PDE10A: variants seen among roughly 807,000 people sequenced by gnomAD.
PDE10A encodes cAMP and cAMP-inhibited cGMP 3',5'-cyclic phosphodiesterase 10A.
A neutral mutation model predicts 97.7 loss-of-function variants in PDE10A; 39 were observed. The observed-to-expected ratio is 0.40, with a 90% CI of 0.31 to 0.52. PDE10A has a LOEUF of 0.52. Among genes scored for constraint, PDE10A ranks in the 20% least tolerant of loss-of-function variants. The probability of loss-of-function intolerance (pLI) is 0.56; values close to 1 mark genes in which losing one functional copy is unlikely to be tolerated. For synonymous variants in PDE10A, 371 were observed against 376.8 expected (o/e 0.98, Z 0.18); for missense variants, 731 against 1,047.8 (o/e 0.70, Z 4.17).
At chr6:165,794,424 ACT>A (rs1214319184) in intron 1 of PDE10A, among the ~76,000 whole-genome samples, 1 of 150,814 alleles carries the variant, frequency 6.6e-6, no homozygotes, top group Admixed American at 6.6e-5. Flanking sequence ...TCCTACACTC[ACT>A]CACACACTCA....
At chr6:165,953,134 G>C (rs559329653) in intron 1 of PDE10A, among the ~76,000 whole-genome samples, 1 of 152,200 alleles carries the variant, frequency 6.6e-6, no homozygotes, top group African/African-American at 2.4e-5. Flanking sequence ...TATGACTTGG[G>C]CCCTCAGTGC....
chr6:165,714,513 C>G (rs528215403), intron 1 of PDE10A, among the ~76,000 whole-genome samples: 2 of 152,296 alleles, frequency 1.3e-5, no homozygotes, highest in South Asian at 4.1e-4. Flanking sequence ...AAAATAAATT[C>G]AAGGCTGGTA....
intron 1 of PDE10A, among the ~76,000 whole-genome samples, chr6:165,789,038 C>T (rs990271694): frequency 3.9e-5 from 6 of 151,902 alleles, no homozygotes; most frequent in Middle Eastern, 3.4e-3. Context: ...GGAAGGAGGC[C>T]GAGGGAGGGG....
At chr6:165,450,482 C>T (rs1051742459) in intron 3 of PDE10A, 120 bp from the exon 4 acceptor site, 3 of 420,252 alleles carry the variant, frequency 7.1e-6, no homozygotes, top group African/African-American at 6.1e-5. Flanking sequence ...ATTCATTATG[C>T]TTTTATAGCA....
At chr6:165,952,355 T>C (rs1315042208) in intron 1 of PDE10A, among the ~76,000 whole-genome samples, 1 of 152,254 alleles carries the variant, frequency 6.6e-6, no homozygotes, top group Non-Finnish European at 1.5e-5. Flanking sequence ...TTACGTATTA[T>C]CTTGGTTAGC....
intron 1 of PDE10A, among the ~76,000 whole-genome samples, chr6:165,920,507 G>A (rs1782724746): frequency 6.6e-6 from 1 of 151,874 alleles, no homozygotes; most frequent in African/African-American, 2.4e-5. Context: ...AATACTTTGA[G>A]TGACAATCAA....
upstream of PDE10A, among the ~76,000 whole-genome samples, chr6:165,665,141 C>T (rs1175447898): frequency 7.9e-5 from 12 of 152,214 alleles, no homozygotes; most frequent in Non-Finnish European, 1.5e-5. Context: ...AAGAAAACAA[C>T]TTGAGGATGG....
intron 1 of PDE10A, among the ~76,000 whole-genome samples, chr6:165,975,698 A>T (rs1386226851): frequency 1.3e-5 from 2 of 152,260 alleles, no homozygotes; most frequent in Non-Finnish European, 2.9e-5. Flanking sequence ...ATGACTAGCA[A>T]GGCTATGCCT....
intron 2 of PDE10A, among the ~76,000 whole-genome samples, chr6:165,518,830 G>C (rs1464991482): frequency 6.6e-6 from 1 of 152,290 alleles, no homozygotes; most frequent in Non-Finnish European, 1.5e-5. Flanking sequence ...CACAAGATAA[G>C]TGCTTCTCTA....
chr6:165,398,989 C>G (rs1041530745), intron 13 of PDE10A, among the ~76,000 whole-genome samples: 1 of 152,120 alleles, frequency 6.6e-6, no homozygotes, highest in Non-Finnish European at 1.5e-5. Context: ...AAAAGATATA[C>G]TGTTTAATAC....
intron 3 of PDE10A, among the ~76,000 whole-genome samples, chr6:165,459,366 C>T (rs1778155705): frequency 6.6e-6 from 1 of 152,140 alleles, no homozygotes; most frequent in South Asian, 2.1e-4. Flanking sequence ...TTGTCACATA[C>T]TTTGCCAGCC....
intron 1 of PDE10A, among the ~76,000 whole-genome samples, chr6:165,584,344 C>G (rs1202554269): frequency 6.6e-6 from 1 of 152,140 alleles, no homozygotes; most frequent in South Asian, 2.1e-4. Context: ...CGCCTTCTTA[C>G]TGGGGGGCCT....
chr6:165,712,361 C>T (rs6931232), intron 1 of PDE10A, among the ~76,000 whole-genome samples: 100,579 of 152,008 alleles, frequency 0.66, 33,956 homozygotes, highest in African/African-American at 0.78. Flanking sequence ...TGCTCCCCTC[C>T]TGATGTGTGC....
chr6:165,724,191 G>A (rs907365826), intron 1 of PDE10A, among the ~76,000 whole-genome samples: 2 of 152,198 alleles, frequency 1.3e-5, no homozygotes, highest in African/African-American at 4.8e-5. Flanking sequence ...AAATTGGAAA[G>A]TTTATTTAAA....
rs905935725 is a variant in PDE10A, at chr6:165,845,199, A to G, written c.-615+142330T>C. Among the ~76,000 whole-genome samples the G allele has an allele frequency of 5.9e-5, 9 of 152,342 alleles. No individual in the cohort carries two copies. The East Asian group carries it at 1.5e-3, about 26-fold the overall frequency. On this transcript the variant is annotated intron_variant, in intron 1 of 19. Coordinates refer to the PDE10A transcript ENST00000366882. Reference sequence around the variant, plus strand: ...ATGTGTGTGATGAAAAACGGTTTCAATGTTACAGGGTCTGATCCACCAAGC... The same window carrying G: ...ATGTGTGTGATGAAAAACGGTTTCAGTGTTACAGGGTCTGATCCACCAAGC...
At chr6:165,882,536 C>CCA (rs1468252143) in intron 1 of PDE10A, among the ~76,000 whole-genome samples, 3 of 152,162 alleles carry the variant, frequency 2.0e-5, no homozygotes, top group Non-Finnish European at 4.4e-5. Flanking sequence ...TGCTAAGTTT[C>CCA]CACCTGCATT....
chr6:165,508,966 T>C (rs948000446), intron 2 of PDE10A, among the ~76,000 whole-genome samples: 2 of 152,040 alleles, frequency 1.3e-5, no homozygotes, highest in Admixed American at 6.6e-5. Context: ...CAATCAGCGA[T>C]GTGCTTCCCA....
chr6:165,828,633 A>G, intron 1 of PDE10A, among the ~76,000 whole-genome samples: 1 of 152,210 alleles, frequency 6.6e-6, no homozygotes, highest in East Asian at 1.9e-4. Flanking sequence ...CAGGTGGATA[A>G]GCTGCAGTTT....
chr6:165,382,281 G>C (rs1251923598), intron 17 of PDE10A, among the ~76,000 whole-genome samples: 1 of 152,146 alleles, frequency 6.6e-6, no homozygotes, highest in East Asian at 1.9e-4. Context: ...TTAATCATAA[G>C]GATCCTAAAG....
Sources: gnomAD v4.1 joint callset for allele counts (sites outside exome capture counted in the v4.1 genomes callset) on GRCh38, gnomAD v4.1.1 for gene constraint, MANE v1.5 for transcripts, NCBI Gene and HGNC (gene_info 2026-07-23, HGNC 2026-07-21) for gene names.